The following CNTN6 variants were observed in gnomAD, a reference collection of about 807,000 sequenced individuals.
The protein encoded by CNTN6 is contactin-6.
In CNTN6, 137 loss-of-function variants were observed where a neutral mutation model predicts 122.8. That is an observed-to-expected ratio of 1.12 (90% CI 0.97 to 1.29). CNTN6 has a LOEUF of 1.29. Ranked by LOEUF, CNTN6 falls within the 50% of genes most tolerant of loss-of-function variation. The pLI is 0.00. For missense variants in CNTN6, 1,634 were observed against 1,223.4 expected, an observed-to-expected ratio of 1.34 and a Z score of -5.01; for synonymous variants, 570 against 426.0, an observed-to-expected ratio of 1.34 and a Z score of -4.16.
intron 8 of CNTN6, 84 bp from the exon 9 acceptor site, chr3:1,325,731 T>G (rs1477922704): frequency 1.4e-6 from 2 of 1,432,052 alleles, no homozygotes; most frequent in African/African-American, 2.9e-5. Context: ...CTTGTCCTTC[T>G]GATCTCTACA....
rs569856457 is a variant in CNTN6 at position 1,317,836 on chromosome 3, C to T, written c.762-3814C>T. 6.1e-5 allele frequency among the ~76,000 whole-genome samples: 9 copies of T among 147,466 alleles called. No homozygotes were observed. In the South Asian group the frequency reaches 1.5e-3, roughly 24 times the overall value. ...AATGCCAGAGGTGTGGTCAGCCCAA[C>T]TGAAATGAGATGGGGAGGATTGGGC... On this transcript the variant is annotated intron_variant, in intron 7 of 22. Coordinates refer to ENST00000446702, the MANE Select transcript of CNTN6 (RefSeq NM_001289080.2).
At chr3:1,346,921 G>A (rs114630718) in intron 11 of CNTN6, among the ~76,000 whole-genome samples, 28 of 152,130 alleles carry the variant, frequency 1.8e-4, no homozygotes, top group African/African-American at 6.7e-4. Flanking sequence ...CAGGCAAATG[G>A]GTAGGACATC....
At chr3:1,268,239 G>A (rs1472379231) in intron 4 of CNTN6, among the ~76,000 whole-genome samples, 3 of 152,180 alleles carry the variant, frequency 2.0e-5, no homozygotes, top group Non-Finnish European at 2.9e-5. Context: ...GGGCTGTGTA[G>A]CTTCCTAGGC....
Position 1,260,312 on chromosome 3 carries a change from A to G in CNTN6, c.359-18101A>G, listed in dbSNP as rs146709644. Among the ~76,000 whole-genome samples, 350 of 152,210 alleles carry G rather than the reference A, an allele frequency of 2.3e-3. 2 individuals are homozygous for G. Among genetic ancestry groups the G allele is most frequent in the African/African-American group, 7.7e-3 (318 of 41,534 alleles). On this transcript the variant is annotated intron_variant, in intron 4 of 22. Coordinates refer to ENST00000446702, the MANE Select transcript of CNTN6 (RefSeq NM_001289080.2). The stretch of plus-strand genomic sequence containing the variant: ...GCTTCCGGATGGGGGTTCCGATTCA[A>G]AACATCCAGAGGCTCCATCAGTACT...
rs1239271892 is a variant in CNTN6 at position 1,295,698 on chromosome 3, C to G, written c.552C>G (p.Ala184=). The stretch of plus-strand genomic sequence containing the variant: ...AAGAGACGGGAAACTTGTACATTGC[C>G]AAAGTGGAACCATCAGATGTGGGCA... ...VSQETGNLYI[A]KVEPSDVGNY... is the part of the protein sequence containing the mutation. Residue 184 remains alanine, a synonymous_variant, in exon 6 of 23, where the codon GCC becomes GCG. Transcript: ENST00000446702. The G allele has an allele frequency of 6.2e-7, 1 of 1,613,976 alleles. No homozygotes were observed. Among genetic ancestry groups the G allele is most frequent in the Non-Finnish European group, 8.5e-7 (1 of 1,179,896 alleles).
At chr3:1,380,239 A>G (rs1247774383) in intron 17 of CNTN6, among the ~76,000 whole-genome samples, 4 of 152,186 alleles carry the variant, frequency 2.6e-5, no homozygotes, top group African/African-American at 7.2e-5. Flanking sequence ...ATAAGTGACA[A>G]CTTTAATGAT....
chr3:1,390,750 A>G (rs1694010001), intron 20 of CNTN6, among the ~76,000 whole-genome samples: 1 of 151,832 alleles, frequency 6.6e-6, no homozygotes, highest in Non-Finnish European at 1.5e-5. Context: ...CAGAAATACA[A>G]ACTACCATCA....
rs557338034 is a variant in CNTN6 at position 1,273,693 on chromosome 3, T to G, written c.359-4720T>G. ...TAAAACCTGTGAACTACTAACATTT[T>G]GGAATGACTGTTTTGATAGCTAACA... On this transcript the variant is annotated intron_variant, in intron 4 of 22. Coordinates refer to ENST00000446702, the MANE Select transcript of CNTN6 (RefSeq NM_001289080.2). Among the ~76,000 whole-genome samples the G allele has an allele frequency of 2.6e-5, 4 of 152,346 alleles. No homozygotes were observed. In the East Asian group the frequency reaches 5.8e-4, roughly 22 times the overall value.
intron 1 of CNTN6, among the ~76,000 whole-genome samples, chr3:1,113,321 G>A (rs2091568051): frequency 1.3e-5 from 2 of 152,126 alleles, no homozygotes; most frequent in Non-Finnish European, 2.9e-5. Context: ...AAAAGATGCT[G>A]TATTTGTGTA....
intron 20 of CNTN6, among the ~76,000 whole-genome samples, chr3:1,388,214 T>G (rs1387800988): frequency 1.3e-5 from 2 of 149,946 alleles, no homozygotes; most frequent in Admixed American, 6.7e-5. Context: ...GCTGGAGATC[T>G]GAGAACTGGC....
Position 1,329,890 on chromosome 3 carries a change from C to T in CNTN6, c.1319C>T (p.Ala440Val). Residue 440 changes from alanine to valine, a missense_variant, in exon 11 of 23, where the codon GCT (alanine) becomes GTT (valine). Transcript: ENST00000446702. The part of the protein sequence containing the change: ...GCKPNAFPRA[A>V]ISWKRGTETL... ...AAACCAAATGCTTTTCCCAGGGCAG[C>T]TATCTCTTGGAAAAGAGGAACGGAG... is the stretch of plus-strand genomic sequence containing the variant. 1 of 1,609,776 alleles carries T rather than the reference C, an allele frequency of 6.2e-7. No homozygotes were observed. The highest frequency in any genetic ancestry group is 8.5e-7 in the Non-Finnish European group (1 of 1,177,448).
At chr3:1,175,438 AAC>A (rs56382321) in intron 2 of CNTN6, among the ~76,000 whole-genome samples, 87,329 of 151,694 alleles carry the variant, frequency 0.58, 25,720 homozygotes, top group East Asian at 0.7. Context: ...TATGGGAGAA[AAC>A]ACAGTCTACT....
chr3:1,242,176 G>A (rs1271119882), intron 4 of CNTN6, among the ~76,000 whole-genome samples: 1 of 152,194 alleles, frequency 6.6e-6, no homozygotes, highest in Non-Finnish European at 1.5e-5. Context: ...GTGAAGCTTT[G>A]CAGCAGTACA....
At chr3:1,289,869 T>G (rs1467959180) in intron 5 of CNTN6, among the ~76,000 whole-genome samples, 1 of 135,096 alleles carries the variant, frequency 7.4e-6, no homozygotes, top group African/African-American at 2.7e-5. Flanking sequence ...AGAGACGGGG[T>G]TTCACCGTGT....
chr3:1,152,878 A>G (rs188097303), intron 2 of CNTN6, among the ~76,000 whole-genome samples: 100 of 152,318 alleles, frequency 6.6e-4, no homozygotes, highest in Non-Finnish European at 5.3e-4. Flanking sequence ...GTGAGTGTCA[A>G]TGGCTGCTAT....
At chr3:1,389,155 G>C (rs1473175078) in intron 20 of CNTN6, among the ~76,000 whole-genome samples, 3 of 148,456 alleles carry the variant, frequency 2.0e-5, no homozygotes, top group Non-Finnish European at 4.5e-5. Context: ...GTTAACGGCA[G>C]CCAGAGAGAA....
chr3:1,386,672 C>G (rs1340473440), intron 20 of CNTN6, among the ~76,000 whole-genome samples: 5 of 151,902 alleles, frequency 3.3e-5, no homozygotes, highest in Non-Finnish European at 2.9e-5. Flanking sequence ...ACAAATTATT[C>G]ATAAAATCAG....
chr3:1,179,827 C>A (rs1018139039), intron 2 of CNTN6, among the ~76,000 whole-genome samples: 3 of 152,104 alleles, frequency 2.0e-5, no homozygotes, highest in African/African-American at 7.2e-5. Flanking sequence ...TCCCTGTTAT[C>A]TTGCCCCAAG....
At chr3:1,239,345 A>G (rs2094455717) in intron 4 of CNTN6, among the ~76,000 whole-genome samples, 1 of 152,212 alleles carries the variant, frequency 6.6e-6, no homozygotes, top group Non-Finnish European at 1.5e-5. Context: ...ATTAAAGTAC[A>G]CAAATCGGTA....
Sources: gnomAD v4.1 joint callset for allele counts (sites outside exome capture counted in the v4.1 genomes callset) on GRCh38, gnomAD v4.1.1 for gene constraint, MANE v1.5 for transcripts, NCBI Gene and HGNC (gene_info 2026-07-23, HGNC 2026-07-21) for gene names.